Variants in NR2F6 observed in about 807,000 individuals in gnomAD.
The protein encoded by NR2F6 is nuclear receptor subfamily 2 group F member 6.
NR2F6 carries 16 observed loss-of-function variants against 26.5 expected under a neutral mutation model. The ratio of observed to expected loss-of-function variants is 0.60; its 90% CI spans 0.41 to 0.92. NR2F6 has a LOEUF of 0.92. NR2F6 is among the 40% of genes least tolerant of loss of function. The probability of loss-of-function intolerance (pLI) is 0.00; values close to 1 mark genes in which losing one functional copy is unlikely to be tolerated. For synonymous variants in NR2F6, 325 were observed against 305.0 expected (o/e 1.07, Z -0.68); for missense variants, 536 against 631.7 (o/e 0.85, Z 1.62).
rs549778877 is a variant in NR2F6, at chr19:17,233,485, T to C, written c.941-859A>G. 1.1e-4 allele frequency among the ~76,000 whole-genome samples: 17 copies of C among 152,118 alleles called. 1 individual carries two copies. Among genetic ancestry groups the C allele is most frequent in the Non-Finnish European group, 2.5e-4 (17 of 68,024 alleles). ...GGGTGGCTGGCACCCAACTCATGCC[T>C]TTGGCAGGGAGACAGGTTCTAATTT... On this transcript the variant is annotated intron_variant, in intron 3 of 3. Transcript: ENST00000291442.
intron 1 of NR2F6, among the ~76,000 whole-genome samples, chr19:17,243,005 C>CAGCA (rs1217103866): frequency 6.6e-6 from 1 of 152,216 alleles, no homozygotes; most frequent in Non-Finnish European, 1.5e-5. Context: ...TACCCTCAGC[C>CAGCA]AGCATTTCAG....
chr19:17,236,778 C>A (rs1386587156), intron 2 of NR2F6, among the ~76,000 whole-genome samples: 1 of 145,608 alleles, frequency 6.9e-6, no homozygotes, highest in African/African-American at 2.7e-5. Flanking sequence ...TTGGGGGGGA[C>A]CTACAGTAAG....
intron 3 of NR2F6, 90 bp from the exon 4 acceptor site, chr19:17,232,716 T>A (rs1184489557): frequency 2.8e-6 from 4 of 1,440,056 alleles, no homozygotes; most frequent in African/African-American, 2.8e-5. Flanking sequence ...CTCGCCACTG[T>A]GGGTAAGAAC....
Position 17,245,230 on chromosome 19 carries a change from G to A in NR2F6, c.-10C>T, listed in dbSNP as rs572610377. 3 of 1,276,684 alleles carry A rather than the reference G, an allele frequency of 2.3e-6. 1 individual carries two copies. Among genetic ancestry groups the A allele is most frequent in the South Asian group, 5.1e-5 (2 of 39,582 alleles). 79.1% of individuals were successfully genotyped at this position (1,276,684 alleles called of 1,614,324 possible). ...CGGTCACCATGGCCATAGCCCCAGG[G>A]CAGCGGGGCCGGGGCGCCCCCACCG... On this transcript the variant is annotated 5_prime_UTR_variant, in exon 1 of 4. Coordinates refer to ENST00000291442, the MANE Select transcript of NR2F6 (RefSeq NM_005234.4). The surrounding 1 kb of genome is among the most constrained non-coding windows in gnomAD (Gnocchi z 5.0).
At chr19:17,241,402 C>T (rs1312550562) in intron 1 of NR2F6, among the ~76,000 whole-genome samples, 1 of 152,260 alleles carries the variant, frequency 6.6e-6, no homozygotes, top group Non-Finnish European at 1.5e-5. Flanking sequence ...ACCACCCAAC[C>T]CCTATGCAAG....
At position 17,232,280 on chromosome 19, in the gene NR2F6, G is replaced by A. The variant is rs1322031893; in HGVS notation, c.*72C>T. ...AGTCCTGGGCCCCGGGAGGCCCCTC[G>A]AGGCCTCAGCATTCCCTGTCCCTTG... On this transcript the variant is annotated 3_prime_UTR_variant, in exon 4 of 4. Transcript: ENST00000291442. 2.4e-5 allele frequency: 38 copies of A among 1,589,518 alleles called. No homozygotes were observed. The East Asian group carries it at 5.4e-4, about 23-fold the overall frequency.
chr19:17,235,256 T>C lies in NR2F6; in HGVS notation c.940+243A>G, dbSNP rs2073429340. Among the ~76,000 whole-genome samples the C allele has an allele frequency of 6.6e-6, 1 of 152,202 alleles. No individual in the cohort carries two copies. Among genetic ancestry groups the C allele is most frequent in the Admixed American group, 6.5e-5 (1 of 15,288 alleles). On this transcript the variant is annotated intron_variant, in intron 3 of 3. Coordinates refer to ENST00000291442, the MANE Select transcript of NR2F6 (RefSeq NM_005234.4). This position sits in a 1 kb window ranked among gnomAD's most constrained non-coding sequence, Gnocchi z 5.0. ...CCTGGTCCTGGCCCAGCCTTGGGTCTGGGGTCCGGGGTTCAGAGTTCTCCG... is the reference window on the plus strand; with the variant it reads ...CCTGGTCCTGGCCCAGCCTTGGGTCCGGGGTCCGGGGTTCAGAGTTCTCCG...
intron 1 of NR2F6, among the ~76,000 whole-genome samples, chr19:17,243,374 G>C (rs758938653): frequency 2.6e-5 from 4 of 152,168 alleles, no homozygotes; most frequent in Non-Finnish European, 5.9e-5. Context: ...GCGAGACCCT[G>C]CTCAATCCAT....
intron 2 of NR2F6, among the ~76,000 whole-genome samples, chr19:17,240,148 A>C (rs2073461352): frequency 6.6e-6 from 1 of 152,220 alleles, no homozygotes; most frequent in Non-Finnish European, 1.5e-5. Flanking sequence ...GGGTCAGAAG[A>C]AAGGGTAAGC....
chr19:17,239,603 G>A (rs975047110), intron 2 of NR2F6, among the ~76,000 whole-genome samples: 4 of 151,346 alleles, frequency 2.6e-5, no homozygotes, highest in African/African-American at 4.9e-5. Flanking sequence ...GCAGTGAGCC[G>A]AGATCATGCC....
At chr19:17,243,778 C>T (rs1329090301) in intron 1 of NR2F6, among the ~76,000 whole-genome samples, 1 of 152,156 alleles carries the variant, frequency 6.6e-6, no homozygotes, top group Non-Finnish European at 1.5e-5. Context: ...TCCCTGGGGC[C>T]ACTCCGATCC....
In NR2F6 at chr19:17,234,892, G is replaced by GA. The variant is rs932496892; in HGVS notation, c.940+606dup. ...GAAATACAAATAAAAAAATAAAGTG[G>GA]AAAAAAAAAATTTGGCTGTACCGCC... On this transcript the variant is annotated intron_variant, in intron 3 of 3. Coordinates refer to ENST00000291442, the MANE Select transcript of NR2F6 (RefSeq NM_005234.4). 1.2e-3 allele frequency among the ~76,000 whole-genome samples: 182 copies of GA among 151,254 alleles called. 1 individual carries two copies. Among genetic ancestry groups the GA allele is most frequent in the Non-Finnish European group, 2.1e-3 (140 of 67,710 alleles).
At chr19:17,233,786 G>A (rs1425769132) in intron 3 of NR2F6, among the ~76,000 whole-genome samples, 2 of 151,418 alleles carry the variant, frequency 1.3e-5, no homozygotes, top group Non-Finnish European at 2.9e-5. Flanking sequence ...CCACCAGCCA[G>A]GCCAAGGAGA....
At chr19:17,236,338 A>G (rs2073438638) in intron 2 of NR2F6, among the ~76,000 whole-genome samples, 1 of 150,700 alleles carries the variant, frequency 6.6e-6, no homozygotes, top group Non-Finnish European at 1.5e-5. Flanking sequence ...ATAACGGGAA[A>G]GGGAGACAAA....
intron 2 of NR2F6, among the ~76,000 whole-genome samples, chr19:17,239,154 T>C (rs1390108745): frequency 3.3e-5 from 5 of 150,872 alleles, no homozygotes; most frequent in East Asian, 1.9e-4. Context: ...CTGGCCAACA[T>C]AGTGAAACTC....
In NR2F6 at chr19:17,238,666, C is replaced by G. The variant is rs149639064; in HGVS notation, c.373+2005G>C. On this transcript the variant is annotated intron_variant, in intron 2 of 3. Coordinates refer to ENST00000291442, the MANE Select transcript of NR2F6 (RefSeq NM_005234.4). ...AAAATCCATGTTATGGGGGCAGGGA[C>G]AAGAAAGTTACCCCCAAACTTAAAA... Among the ~76,000 whole-genome samples the G allele has an allele frequency of 3.6e-4, 55 of 152,210 alleles. 1 individual carries two copies. The highest frequency in any genetic ancestry group is 1.3e-3 in the African/African-American group (54 of 41,518).
At chr19:17,237,650 T>G (rs2073447010) in intron 2 of NR2F6, among the ~76,000 whole-genome samples, 1 of 152,168 alleles carries the variant, frequency 6.6e-6, no homozygotes, top group Admixed American at 6.6e-5. Flanking sequence ...GACCTCGTGA[T>G]CTGCCCACCT....
At chr19:17,240,310 G>A (rs1599456239) in intron 2 of NR2F6, among the ~76,000 whole-genome samples, 1 of 152,218 alleles carries the variant, frequency 6.6e-6, no homozygotes, top group South Asian at 2.1e-4. Flanking sequence ...AGGTGTCAGG[G>A]CCAGGGAACT....
rs1184106111 is a variant in NR2F6, at chr19:17,232,549, G to A, written c.1018C>T (p.Arg340Trp). The A allele has an allele frequency of 1.2e-5, 20 of 1,600,998 alleles. No homozygotes were observed. The highest frequency in any genetic ancestry group is 1.6e-5 in the Non-Finnish European group (19 of 1,172,660). The change falls in exon 4 of 4, where the codon CGG becomes TGG. Residue 340 changes from arginine to tryptophan, a missense_variant. Coordinates refer to ENST00000291442, the MANE Select transcript of NR2F6 (RefSeq NM_005234.4). ...KAQVALTEYV[R>W]AQYPSQPQRF... ...TGGGGCTGGGACGGGTACTGCGCCC[G>A]CACATACTCGGTGAGGGCCACCTGC...
Sources: allele counts gnomAD v4.1 joint callset (sites outside exome capture counted in the v4.1 genomes callset), GRCh38; gene constraint gnomAD v4.1.1; non-coding constraint Gnocchi (gnomAD v3.1); transcripts MANE v1.5; gene names NCBI Gene and HGNC (gene_info 2026-07-23, HGNC 2026-07-21).